BEAN1: variants seen among roughly 807,000 people sequenced by gnomAD.
BEAN1 encodes the protein protein BEAN1.
BEAN1 carries 17 observed loss-of-function variants against 17.7 expected under a neutral mutation model. The observed-to-expected ratio is 0.96, with a 90% CI of 0.66 to 1.44. BEAN1 has a LOEUF of 1.44. BEAN1 is among the 40% of genes most tolerant of loss of function. The pLI, the probability that BEAN1 is intolerant of heterozygous loss-of-function variation, is 0.00. For synonymous variants in BEAN1, 142 were observed against 151.8 expected (o/e 0.94, Z 0.47); for missense variants, 359 against 374.1 (o/e 0.96, Z 0.33).
At chr16:66,477,742 G>GGGGGCCTCATGGGGA in intron 4 of BEAN1, 32 bp downstream of exon 4, 1 of 1,516,654 alleles carries the variant, frequency 6.6e-7, no homozygotes, top group Non-Finnish European at 8.9e-7. Context: ...GGGGGCATCA[G>GGGGGCCTCATGGGGA]AGGATGGGGC....
chr16:66,457,354 G>A (rs1314711449), intron 2 of BEAN1, among the ~76,000 whole-genome samples: 2 of 152,162 alleles, frequency 1.3e-5, no homozygotes, highest in African/African-American at 4.8e-5. Flanking sequence ...ATGGAGGATT[G>A]TTGAATAGGG....
At position 66,469,745 on chromosome 16, in the gene BEAN1, G is replaced by A. The variant is rs1385141655; in HGVS notation, c.169G>A (p.Gly57Ser). The stretch of plus-strand genomic sequence containing the variant: ...CCTCTCCTGCATCACCATCATTGTG[G>A]GCAGCATCCGCAGGGACAGGCAGGC... ...IILSCITIIV[G>S]SIRRDRQARL... The change falls in exon 3 of 5, where the codon GGC becomes AGC. Residue 57 changes from glycine to serine, a missense_variant. Coordinates refer to ENST00000536005, the MANE Select transcript of BEAN1 (RefSeq NM_001178020.3). 5.9e-6 allele frequency: 9 copies of A among 1,536,096 alleles called. No homozygotes were observed. The East Asian group carries it at 2.2e-4, about 38-fold the overall frequency.
At chr16:66,479,942 C>A (rs186523184) in intron 4 of BEAN1, among the ~76,000 whole-genome samples, 3 of 152,088 alleles carry the variant, frequency 2.0e-5, no homozygotes, top group Non-Finnish European at 2.9e-5. Flanking sequence ...TCCTGCCAGC[C>A]CCCCTCAGGC....
At chr16:66,439,886 G>T (rs904063418) in intron 2 of BEAN1, among the ~76,000 whole-genome samples, 2 of 152,028 alleles carry the variant, frequency 1.3e-5, no homozygotes, top group African/African-American at 4.8e-5. Context: ...AGGAGCTCAG[G>T]ACTGCTGCGA....
intron 3 of BEAN1, chr16:66,470,187 GAT>G (rs1963426603): frequency 1.1e-5 from 5 of 441,026 alleles, no homozygotes; most frequent in African/African-American, 9.9e-5. Context: ...TGGATGGATG[GAT>G]GGATGGATGG....
In BEAN1 at chr16:66,477,186, C is replaced by T. The variant is rs142784558; in HGVS notation, c.290-374C>T. ...AGACAAGACTCAGCTGTAGCAGCCC[C>T]TCCTCCAGGAAGCCCTCCCTGACTT... On this transcript the variant is annotated intron_variant, in intron 3 of 4. Transcript: ENST00000536005. 3.1e-3 allele frequency among the ~76,000 whole-genome samples: 478 copies of T among 152,296 alleles called. 3 individuals are homozygous for T. The highest frequency in any genetic ancestry group is 0.014 in the Middle Eastern group (4 of 294).
intron 2 of BEAN1, chr16:66,438,144 G>A: frequency 4.9e-6 from 1 of 204,722 alleles, no homozygotes; most frequent in Non-Finnish European, 1.0e-5. Flanking sequence ...AGCCCTTTGG[G>A]AAGCCGAGAC....
At chr16:66,432,310 G>T (rs1961837532) in intron 1 of BEAN1, among the ~76,000 whole-genome samples, 1 of 152,152 alleles carries the variant, frequency 6.6e-6, no homozygotes, top group Non-Finnish European at 1.5e-5. Context: ...TCTCTATTAG[G>T]GAAGTTACTA....
In BEAN1 at chr16:66,427,479, T is replaced by TCCCGGC. The variant is rs1261187298; in HGVS notation, c.-83+52_-83+57dup. The TCCCGGC allele has an allele frequency of 1.4e-5, 2 of 142,056 alleles. No homozygotes were observed. Among genetic ancestry groups the TCCCGGC allele is most frequent in the African/African-American group, 2.6e-5 (1 of 38,356 alleles). 8.8% of individuals were successfully genotyped at this position (142,056 alleles called of 1,614,324 possible). On this transcript the variant is annotated intron_variant, in intron 1 of 4. Coordinates refer to ENST00000536005, the MANE Select transcript of BEAN1 (RefSeq NM_001178020.3). This position sits in a 1 kb window ranked among gnomAD's most constrained non-coding sequence, Gnocchi z 4.7. The stretch of plus-strand genomic sequence containing the variant: ...GCGCGGGGGAGGGGCGGGCGGGGGG[T>TCCCGGC]CCCGGCCCCATTCCCCCGCGCTCTG...
intron 2 of BEAN1, among the ~76,000 whole-genome samples, chr16:66,447,412 C>G (rs1461406515): frequency 1.3e-5 from 2 of 152,152 alleles, no homozygotes; most frequent in Non-Finnish European, 2.9e-5. Flanking sequence ...TCCAATGTGA[C>G]TATGAGGGTT....
chr16:66,484,584 G>A (rs1464879522), downstream of BEAN1: 1 of 454,038 alleles, frequency 2.2e-6, no homozygotes, highest in East Asian at 6.9e-5. This position sits in a 1 kb window ranked among gnomAD's most constrained non-coding sequence, Gnocchi z 4.2. Flanking sequence ...TGCATCACAG[G>A]ACGATGGAGA....
At chr16:66,438,117 C>T in intron 2 of BEAN1, 1 of 240,934 alleles carries the variant, frequency 4.2e-6, no homozygotes. Flanking sequence ...GGCGTGGTGG[C>T]TCATGCCTGT....
intron 4 of BEAN1, among the ~76,000 whole-genome samples, chr16:66,490,464 A>AAATAAAAT (rs1289526958): frequency 8.1e-6 from 1 of 123,218 alleles, no homozygotes; most frequent in Non-Finnish European, 1.6e-5. Context: ...TAATAAAATA[A>AAATAAAAT]AAAGAAACCT....
Position 66,481,600 on chromosome 16 carries a change from G to C in BEAN1, c.*675G>C. ...CCCACTAGGCCCCCTCCCAACCCCA[G>C]TACCCTCAGTCCCTCAGTCAGGTGG... On this transcript the variant is annotated 3_prime_UTR_variant, in exon 5 of 5. Transcript: ENST00000536005. This position sits in a 1 kb window ranked among gnomAD's most constrained non-coding sequence, Gnocchi z 4.1. 1 of 216,522 alleles carries C rather than the reference G, an allele frequency of 4.6e-6. No homozygotes were observed. The highest frequency in any genetic ancestry group is 9.0e-6 in the Non-Finnish European group (1 of 110,568). The allele number at this position is 216,522 out of a possible 1,614,324, so 13.4% of individuals were successfully genotyped here.
intron 2 of BEAN1, 61 bp downstream of exon 2, chr16:66,437,762 C>G (rs760713646): frequency 6.7e-6 from 10 of 1,494,148 alleles, no homozygotes; most frequent in Non-Finnish European, 9.0e-6. Flanking sequence ...AGCTTGGAGT[C>G]GAGCTGCAGA....
At chr16:66,490,217 C>CT (rs1964145796) in intron 4 of BEAN1, among the ~76,000 whole-genome samples, 1 of 75,444 alleles carries the variant, frequency 1.3e-5, no homozygotes, top group Admixed American at 1.7e-4. Flanking sequence ...CCCATCTCTA[C>CT]TAAAAAAAAA....
intron 2 of BEAN1, chr16:66,438,098 T>C: frequency 3.6e-6 from 1 of 275,314 alleles, no homozygotes; most frequent in South Asian, 4.5e-5. Flanking sequence ...AATATGGTGA[T>C]GTGTGGCCGG....
intron 2 of BEAN1, among the ~76,000 whole-genome samples, chr16:66,446,218 G>A (rs902433576): frequency 1.3e-5 from 2 of 152,098 alleles, no homozygotes; most frequent in African/African-American, 2.4e-5. Context: ...GGGGACAGTG[G>A]TCTAGGTGAT....
chr16:66,469,526 A>G (rs1404704361), intron 2 of BEAN1, 76 bp from the exon 3 acceptor site: 41 of 1,423,022 alleles, frequency 2.9e-5, no homozygotes, highest in Non-Finnish European at 3.5e-5. Flanking sequence ...AACAGCTCAC[A>G]GGGCAGCACG....
Sources: gnomAD v4.1 joint callset for allele counts (sites outside exome capture counted in the v4.1 genomes callset) on GRCh38, gnomAD v4.1.1 for gene constraint, Gnocchi (gnomAD v3.1) non-coding constraint, MANE v1.5 for transcripts, NCBI Gene and HGNC (gene_info 2026-07-23, HGNC 2026-07-21) for gene names.